OXR1: variants seen among roughly 807,000 people sequenced by gnomAD.
OXR1 encodes the protein oxidation resistance protein 1.
OXR1 carries 41 observed loss-of-function variants against 104.6 expected under a neutral mutation model. The ratio of observed to expected loss-of-function variants is 0.39; its 90% CI spans 0.31 to 0.51. The LOEUF (loss-of-function observed/expected upper bound fraction) is 0.51. OXR1 is among the 20% of genes least tolerant of loss of function. OXR1 has a pLI of 0.77. For synonymous variants in OXR1, 348 were observed against 348.4 expected, an observed-to-expected ratio of 1.00 and a Z score of 0.01; for missense variants, 955 against 1,031.9, an observed-to-expected ratio of 0.93 and a Z score of 1.02.
chr8:106,355,295 T>A (rs1426728078), intron 1 of OXR1, among the ~76,000 whole-genome samples: 1 of 152,142 alleles, frequency 6.6e-6, no homozygotes, highest in Non-Finnish European at 1.5e-5. Context: ...GTTGGAGATT[T>A]GTGTTAAGAT....
At chr8:106,538,841 A>G (rs1814742223) in intron 3 of OXR1, among the ~76,000 whole-genome samples, 1 of 152,208 alleles carries the variant, frequency 6.6e-6, no homozygotes. Flanking sequence ...AACGTGGGGA[A>G]AAGGAAAAAG....
intron 6 of OXR1, among the ~76,000 whole-genome samples, chr8:106,692,082 T>A (rs1257336565): frequency 6.6e-6 from 1 of 151,878 alleles, no homozygotes; most frequent in Non-Finnish European, 1.5e-5. Context: ...GTTGTTTCCA[T>A]TTGTTTTTCC....
At chr8:106,330,384 G>A (rs189767039) in intron 1 of OXR1, among the ~76,000 whole-genome samples, 3 of 152,250 alleles carry the variant, frequency 2.0e-5, no homozygotes, top group East Asian at 3.9e-4. Flanking sequence ...TGCAGAATGG[G>A]TTTTGTGGGC....
chr8:106,377,241 T>C (rs1335468240), intron 2 of OXR1, among the ~76,000 whole-genome samples: 1 of 152,068 alleles, frequency 6.6e-6, no homozygotes, highest in Non-Finnish European at 1.5e-5. Flanking sequence ...TAGAGTACAG[T>C]GGCATGATCA....
chr8:106,711,274 T>C (rs1831656065), intron 10 of OXR1, among the ~76,000 whole-genome samples: 2 of 152,176 alleles, frequency 1.3e-5, no homozygotes, highest in South Asian at 4.1e-4. Context: ...AAAAGATGTC[T>C]ATTGTACTAT....
At chr8:106,468,906 A>C (rs1821332431) in intron 2 of OXR1, among the ~76,000 whole-genome samples, 1 of 151,826 alleles carries the variant, frequency 6.6e-6, no homozygotes, top group Non-Finnish European at 1.5e-5. Flanking sequence ...CATGAAAATC[A>C]AGGGCAGAAA....
At chr8:106,447,156 A>T (rs1563528339) in intron 2 of OXR1, among the ~76,000 whole-genome samples, 1 of 152,204 alleles carries the variant, frequency 6.6e-6, no homozygotes, top group African/African-American at 2.4e-5. Context: ...TTCTAAAATA[A>T]ATTAAAAGTC....
At chr8:106,525,671 G>T (rs558525518) in intron 3 of OXR1, among the ~76,000 whole-genome samples, 1 of 152,208 alleles carries the variant, frequency 6.6e-6, no homozygotes, top group African/African-American at 2.4e-5. Context: ...AGGTCCAAAA[G>T]GGGGGCTCCT....
intron 2 of OXR1, among the ~76,000 whole-genome samples, chr8:106,429,558 G>T (rs1367380496): frequency 6.6e-6 from 1 of 151,708 alleles, no homozygotes; most frequent in African/African-American, 2.4e-5. Context: ...TACTTGAGGA[G>T]CCTGAGGCAG....
chr8:106,551,860 A>ATATGTGTG (rs372448089), intron 3 of OXR1, among the ~76,000 whole-genome samples: 3 of 126,576 alleles, frequency 2.4e-5, no homozygotes, highest in African/African-American at 6.0e-5. Context: ...GTGTATATAT[A>ATATGTGTG]TGTGTGTGTG....
intron 7 of OXR1, among the ~76,000 whole-genome samples, chr8:106,701,118 A>G (rs998190674): frequency 2.0e-5 from 3 of 152,182 alleles, no homozygotes; most frequent in African/African-American, 4.8e-5. Context: ...ACTGATGTGT[A>G]TGGATCTCAT....
intron 3 of OXR1, among the ~76,000 whole-genome samples, chr8:106,644,417 T>G (rs896798309): frequency 9.2e-5 from 14 of 152,224 alleles, no homozygotes; most frequent in African/African-American, 3.4e-4. Flanking sequence ...TATTCTGTGA[T>G]GCCAAATGAA....
intron 1 of OXR1, among the ~76,000 whole-genome samples, chr8:106,293,574 A>G (rs189504694): frequency 2.0e-5 from 3 of 152,360 alleles, no homozygotes; most frequent in East Asian, 1.9e-4. Context: ...TTGTGCTGCT[A>G]TAACAGAATA....
At chr8:106,441,440 T>G (rs1300520978) in intron 2 of OXR1, among the ~76,000 whole-genome samples, 1 of 152,198 alleles carries the variant, frequency 6.6e-6, no homozygotes, top group Non-Finnish European at 1.5e-5. Context: ...TAGTTTTTTC[T>G]AATTCTGTGA....
chr8:106,363,796 A>T (rs1349679926), intron 2 of OXR1, among the ~76,000 whole-genome samples: 1 of 152,192 alleles, frequency 6.6e-6, no homozygotes, highest in Non-Finnish European at 1.5e-5. Flanking sequence ...GGGGAAAATT[A>T]TTCAGAGATT....
intron 11 of OXR1, among the ~76,000 whole-genome samples, chr8:106,725,424 A>C (rs1207172725): frequency 6.6e-6 from 1 of 152,158 alleles, no homozygotes; most frequent in African/African-American, 2.4e-5. Flanking sequence ...TCTGATTAAA[A>C]CTGAATTCTA....
intron 3 of OXR1, among the ~76,000 whole-genome samples, chr8:106,578,286 CT>C (rs1348546757): frequency 6.6e-6 from 1 of 152,106 alleles, no homozygotes; most frequent in Non-Finnish European, 1.5e-5. Context: ...CTATTGCTTT[CT>C]TTGTGATAAC....
chr8:106,574,601 G>A (rs1408127752), intron 3 of OXR1, among the ~76,000 whole-genome samples: 1 of 152,250 alleles, frequency 6.6e-6, no homozygotes, highest in Non-Finnish European at 1.5e-5. Flanking sequence ...TAGACAGTAG[G>A]GAGAAAGCAA....
chr8:106,561,141 C>T (rs1442321446), intron 3 of OXR1, among the ~76,000 whole-genome samples: 1 of 152,004 alleles, frequency 6.6e-6, no homozygotes, highest in Non-Finnish European at 1.5e-5. Flanking sequence ...TCAGAGGCGC[C>T]TAGAACACCT....
Sources: allele counts gnomAD v4.1 joint callset (sites outside exome capture counted in the v4.1 genomes callset), GRCh38; gene constraint gnomAD v4.1.1; transcripts MANE v1.5; gene names NCBI Gene and HGNC (gene_info 2026-07-23, HGNC 2026-07-21).